CADPS2: variants seen among roughly 807,000 people sequenced by gnomAD.
CADPS2 encodes calcium-dependent secretion activator 2.
A neutral mutation model predicts 172.5 loss-of-function variants in CADPS2; 93 were observed. That is an observed-to-expected ratio of 0.54 (90% CI 0.46 to 0.64). The LOEUF (loss-of-function observed/expected upper bound fraction) is 0.64. Among genes scored for constraint, CADPS2 ranks in the 30% least tolerant of loss-of-function variants. The pLI is 0.00. For synonymous variants in CADPS2, 546 were observed against 555.2 expected (o/e 0.98, Z 0.23); for missense variants, 1,420 against 1,565.9 (o/e 0.91, Z 1.57).
chr7:122,578,534 C>A (rs965299864), intron 7 of CADPS2, among the ~76,000 whole-genome samples: 9 of 152,078 alleles, frequency 5.9e-5, no homozygotes, highest in Admixed American at 1.3e-4. Flanking sequence ...GAAGGTAGCC[C>A]TGCACCCCTG....
chr7:122,749,156 C>T (rs2092840983), intron 1 of CADPS2, among the ~76,000 whole-genome samples: 1 of 152,108 alleles, frequency 6.6e-6, no homozygotes, highest in Non-Finnish European at 1.5e-5. Flanking sequence ...TCAGCATCCT[C>T]CTTCTGTCAT....
At chr7:122,364,865 A>G (rs1397401925) in intron 25 of CADPS2, among the ~76,000 whole-genome samples, 1 of 152,202 alleles carries the variant, frequency 6.6e-6, no homozygotes, top group Non-Finnish European at 1.5e-5. Context: ...AGACATGAAC[A>G]TAACTGCACA....
In CADPS2 at chr7:122,621,649, T is replaced by C; in HGVS notation, c.936A>G (p.Ser312=). 2 of 1,613,810 alleles carry C rather than the reference T, an allele frequency of 1.2e-6. No homozygotes were observed. The highest frequency in any genetic ancestry group is 1.7e-6 in the Non-Finnish European group (2 of 1,179,722). Residue 312 remains serine (S), a synonymous_variant, in exon 5 of 30, where the codon TCA becomes TCG. Coordinates refer to ENST00000449022, the MANE Select transcript of CADPS2 (RefSeq NM_017954.11). Reference sequence around the variant, plus strand: ...CCAAATTGGCCATTAGCAAATTCACTGAAGACCGCAACTCTTCTATATACA... The same window carrying C: ...CCAAATTGGCCATTAGCAAATTCACCGAAGACCGCAACTCTTCTATATACA... ...ENMYIEELRS[S]VNLLMANLES...
At chr7:122,739,814 T>C (rs2092373270) in intron 1 of CADPS2, among the ~76,000 whole-genome samples, 1 of 152,122 alleles carries the variant, frequency 6.6e-6, no homozygotes, top group African/African-American at 2.4e-5. Context: ...CTAAAAGCTA[T>C]TTGCATTATC....
chr7:122,829,865 T>C (rs1183097344), intron 1 of CADPS2, among the ~76,000 whole-genome samples: 3 of 152,208 alleles, frequency 2.0e-5, no homozygotes, highest in Non-Finnish European at 4.4e-5. Context: ...AAATAATTTA[T>C]TTAAGCCAAG....
At chr7:122,323,454 T>A (rs2033034667) in intron 29 of CADPS2, among the ~76,000 whole-genome samples, 1 of 152,102 alleles carries the variant, frequency 6.6e-6, no homozygotes, top group Admixed American at 6.6e-5. Flanking sequence ...AAATATTCAC[T>A]AGTGAGAATA....
At chr7:122,422,948 G>C (rs2048707331) in intron 17 of CADPS2, among the ~76,000 whole-genome samples, 1 of 152,090 alleles carries the variant, frequency 6.6e-6, no homozygotes, top group South Asian at 2.1e-4. Flanking sequence ...GACAGAGTGA[G>C]ACTCCGTCTC....
At chr7:122,874,225 G>C (rs960973072) in intron 1 of CADPS2, among the ~76,000 whole-genome samples, 3 of 152,052 alleles carry the variant, frequency 2.0e-5, no homozygotes, top group Non-Finnish European at 4.4e-5. Context: ...TAGTCATAAA[G>C]TCTGCCCTTG....
rs2072775771 is a variant in CADPS2 at position 122,601,519 on chromosome 7, A to G, written c.1223+13662T>C. The stretch of plus-strand genomic sequence containing the variant: ...TTAGCCACACTTCACCACCACTGCG[A>G]TTTCTCTGGTGGTCTTAAGTCAATG... On this transcript the variant is annotated intron_variant, in intron 6 of 29. Coordinates refer to ENST00000449022, the MANE Select transcript of CADPS2 (RefSeq NM_017954.11). Among the ~76,000 whole-genome samples the G allele has an allele frequency of 2.0e-5, 3 of 152,118 alleles. No homozygotes were observed. The South Asian group carries it at 6.2e-4, about 32-fold the overall frequency.
chr7:122,492,415 C>T (rs2058375725), intron 9 of CADPS2, among the ~76,000 whole-genome samples: 1 of 151,998 alleles, frequency 6.6e-6, no homozygotes, highest in Non-Finnish European at 1.5e-5. Flanking sequence ...CATAGCTGCT[C>T]TGAAGTCACC....
intron 6 of CADPS2, among the ~76,000 whole-genome samples, chr7:122,593,822 G>A (rs1563804152): frequency 6.6e-6 from 1 of 151,948 alleles, no homozygotes; most frequent in Admixed American, 6.6e-5. Context: ...GAGAATCTGA[G>A]GAGAGGAAGA....
intron 16 of CADPS2, 88 bp from the exon 17 acceptor site, chr7:122,438,552 C>A: frequency 7.0e-7 from 1 of 1,434,896 alleles, no homozygotes; most frequent in South Asian, 1.2e-5. Flanking sequence ...AAAATAAATA[C>A]TAAAGACAAA....
chr7:122,599,307 C>T (rs1349986595), intron 6 of CADPS2, among the ~76,000 whole-genome samples: 1 of 151,964 alleles, frequency 6.6e-6, no homozygotes, highest in Non-Finnish European at 1.5e-5. Flanking sequence ...AAGTGGAAGC[C>T]AAACCAGAGA....
At position 122,875,391 on chromosome 7, in the gene CADPS2, A is replaced by C. The variant is rs949391463; in HGVS notation, c.339+10608T>G. ...TTTACACAACTAAGAGACTGGAATC[A>C]AAACATATGAATTAAATATGGCTGG... On this transcript the variant is annotated intron_variant, in intron 1 of 29. Coordinates refer to ENST00000449022, the MANE Select transcript of CADPS2 (RefSeq NM_017954.11). Among the ~76,000 whole-genome samples the C allele has an allele frequency of 6.6e-5, 10 of 152,352 alleles. No individual in the cohort carries two copies. In the South Asian group the frequency reaches 1.4e-3, roughly 22 times the overall value.
chr7:122,645,613 C>A (rs1483081416), intron 3 of CADPS2, among the ~76,000 whole-genome samples: 2 of 128,800 alleles, frequency 1.6e-5, no homozygotes, highest in East Asian at 4.6e-4. Context: ...TATACACACA[C>A]ACTAAGATAC....
At chr7:122,369,534 G>T (rs1246167960) in intron 25 of CADPS2, 2 of 151,922 alleles carry the variant, frequency 1.3e-5, no homozygotes, top group Non-Finnish European at 2.9e-5. Context: ...TTTTTCAATT[G>T]TTGAAATCTT....
chr7:122,484,472 G>A (rs1266402909), intron 11 of CADPS2, among the ~76,000 whole-genome samples: 5 of 144,092 alleles, frequency 3.5e-5, no homozygotes, highest in Admixed American at 2.8e-4. Flanking sequence ...AATACTGATG[G>A]ATACCTCTCA....
chr7:122,577,830 C>T (rs2068244816), intron 7 of CADPS2, among the ~76,000 whole-genome samples: 1 of 152,016 alleles, frequency 6.6e-6, no homozygotes, highest in African/African-American at 2.4e-5. Context: ...AGTTTTTCTG[C>T]ATTTTCGCCA....
At chr7:122,645,393 G>GTACATATACACACATGTACATGTGTGTA (rs1563948463) in intron 3 of CADPS2, among the ~76,000 whole-genome samples, 23 of 54,820 alleles carry the variant, frequency 4.2e-4, no homozygotes, top group African/African-American at 6.4e-4. Flanking sequence ...ACATGTGTGT[G>GTACATATACACACATGTACATGTGTGTA]TATATATGTA....
Sources: gnomAD v4.1 joint callset for allele counts (sites outside exome capture counted in the v4.1 genomes callset) on GRCh38, gnomAD v4.1.1 for gene constraint, MANE v1.5 for transcripts, NCBI Gene and HGNC (gene_info 2026-07-23, HGNC 2026-07-21) for gene names.